LOXHD1: variants seen among roughly 807,000 people sequenced by gnomAD.
LOXHD1 encodes the protein lipoxygenase homology domain-containing protein 1.
LOXHD1 carries 205 observed loss-of-function variants against 248.2 expected under a neutral mutation model. The observed-to-expected ratio is 0.83, with a 90% CI of 0.74 to 0.93. LOXHD1 has a LOEUF of 0.93. Among genes scored for constraint, LOXHD1 ranks in the 40% least tolerant of loss-of-function variants. LOXHD1 has a pLI of 0.00. For synonymous variants in LOXHD1, 1,113 were observed against 1,162.8 expected (o/e 0.96, Z 0.87); for missense variants, 2,930 against 2,971.6 (o/e 0.99, Z 0.33).
intron 37 of LOXHD1, among the ~76,000 whole-genome samples, chr18:46,493,069 C>G (rs1007645058): frequency 6.6e-6 from 1 of 152,192 alleles, no homozygotes; most frequent in Non-Finnish European, 1.5e-5. Context: ...TGGTCCTTTT[C>G]CACTCCTCTG....
chr18:46,533,831 C>T (rs776475030), intron 27 of LOXHD1: 46 of 195,978 alleles, frequency 2.3e-4, no homozygotes, highest in Non-Finnish European at 3.2e-4. Context: ...GAGGCTGAGG[C>T]GGGAGAATTG....
chr18:46,580,035 G>A (rs1241402448), intron 12 of LOXHD1, among the ~76,000 whole-genome samples: 2 of 152,226 alleles, frequency 1.3e-5, no homozygotes, highest in East Asian at 1.9e-4. Context: ...GGGATCAAAT[G>A]AGACAGACCA....
intron 7 of LOXHD1, 29 bp from the exon 8 acceptor site, chr18:46,601,496 G>A (rs770735035): frequency 6.4e-7 from 1 of 1,551,694 alleles, no homozygotes; most frequent in South Asian, 1.2e-5. Context: ...GAAAGAGAGT[G>A]TTCAATGTGA....
chr18:46,633,370 A>G (rs912988617), intron 4 of LOXHD1, among the ~76,000 whole-genome samples: 9 of 152,232 alleles, frequency 5.9e-5, no homozygotes, highest in South Asian at 2.1e-4. Flanking sequence ...CTGTTCAATA[A>G]GGAAGGGACA....
In LOXHD1 at chr18:46,524,762, G is replaced by A. The variant is rs773312118; in HGVS notation, c.4686C>T (p.Arg1562=). The part of the protein sequence containing the change: ...NEDEFLFLCG[R]WLSLKKEDGR... ...CATCCTCCTTCTTCAGGGAGAGCCA[G>A]CGCCCGCATAGGAACAGGAACTCGT... Residue 1562 remains arginine (R), a synonymous_variant, in exon 30 of 41, where the codon CGC becomes CGT. Coordinates refer to ENST00000642948, the MANE Select transcript of LOXHD1 (RefSeq NM_001384474.1). The A allele has an allele frequency of 1.4e-5, 22 of 1,551,764 alleles. No individual in the cohort carries two copies. In the South Asian group the frequency reaches 2.3e-4, roughly 16 times the overall value.
In LOXHD1 at chr18:46,560,415, G is replaced by A. The variant is rs534815867; in HGVS notation, c.2729C>T (p.Pro910Leu). The A allele has an allele frequency of 1.2e-5, 18 of 1,548,366 alleles. 1 individual carries two copies. The Middle Eastern group carries it at 5.0e-4, about 43-fold the overall frequency. ...HLVVREVDLTPEEEARKKKEK... is the reference protein window; with the variant it reads ...HLVVREVDLTLEEEARKKKEK... Reference sequence around the variant, plus strand: ...CTTCTTCTTCCGGGCCTCCTCCTCCGGCGTGAGGTCCACCTCCCGCACCAC... The same window carrying A: ...CTTCTTCTTCCGGGCCTCCTCCTCCAGCGTGAGGTCCACCTCCCGCACCAC... The change falls in exon 19 of 41, where the codon CCG becomes CTG. Residue 910 changes from proline to leucine, a missense_variant. Coordinates refer to ENST00000642948, the MANE Select transcript of LOXHD1 (RefSeq NM_001384474.1).
chr18:46,623,703 G>C (rs367921645), intron 4 of LOXHD1, among the ~76,000 whole-genome samples: 2 of 152,246 alleles, frequency 1.3e-5, no homozygotes, highest in Non-Finnish European at 2.9e-5. Context: ...TTCCAGAAAA[G>C]GCAGACACTG....
intron 31 of LOXHD1, among the ~76,000 whole-genome samples, 155 bp downstream of exon 31, chr18:46,524,311 G>A (rs1373889770): frequency 2.6e-5 from 4 of 152,218 alleles, no homozygotes; most frequent in African/African-American, 2.4e-5. Context: ...TTGTTCTGGG[G>A]ATAAAACAGG....
intron 4 of LOXHD1, among the ~76,000 whole-genome samples, chr18:46,631,994 C>T (rs1198197078): frequency 1.1e-4 from 17 of 152,136 alleles, no homozygotes; most frequent in Admixed American, 1.1e-3. Flanking sequence ...GCACAGGAGC[C>T]AACACAATCT....
At chr18:46,604,887 T>C (rs895418062) in intron 6 of LOXHD1, among the ~76,000 whole-genome samples, 2 of 152,186 alleles carry the variant, frequency 1.3e-5, no homozygotes, top group African/African-American at 4.8e-5. Context: ...ATAAGTAGAA[T>C]TGTTAATAGC....
rs146200756 is a variant in LOXHD1, at chr18:46,485,102, G to A, written c.6099C>T (p.Asn2033=). Residue 2033 remains asparagine (N), a synonymous_variant, in exon 39 of 41, where the codon AAC becomes AAT. Transcript: ENST00000642948. ...TCCTGCCCTCCAGGATGAGCCAGAC[G>A]TTCTCCCTGGTTTCGCCTCCGTTGC... The part of the protein sequence containing the change: ...ETGNGGETRE[N]VWLILEGRKN... 1.9e-3 allele frequency: 2,923 copies of A among 1,549,766 alleles called. 32 individuals are homozygous for A. The highest frequency in any genetic ancestry group is 0.011 in the South Asian group (956 of 83,808).
At chr18:46,620,835 A>G (rs2038658665) in intron 4 of LOXHD1, among the ~76,000 whole-genome samples, 1 of 152,168 alleles carries the variant, frequency 6.6e-6, no homozygotes, top group Non-Finnish European at 1.5e-5. Context: ...TCTCAGAAGG[A>G]AGGGGAAGCA....
At chr18:46,605,304 A>C (rs1181858915) in intron 6 of LOXHD1, among the ~76,000 whole-genome samples, 1 of 152,148 alleles carries the variant, frequency 6.6e-6, no homozygotes, top group Admixed American at 6.5e-5. Flanking sequence ...AGGCGGGAGG[A>C]TCACGAGGTC....
chr18:46,570,670 C>T lies in LOXHD1; in HGVS notation c.2048-1032G>A, dbSNP rs202208538. ...CCAGGGGTGTTCAATCTTTTGGTTT[C>T]CCTGGGCCACACTGGAAGAAGAAGA... On this transcript the variant is annotated intron_variant, in intron 15 of 40. Transcript: ENST00000642948. Among the ~76,000 whole-genome samples the T allele has an allele frequency of 5.3e-5, 8 of 152,252 alleles. No homozygotes were observed. In the East Asian group the frequency reaches 9.7e-4, roughly 18 times the overall value.
chr18:46,593,174 A>G (rs2038203564), intron 10 of LOXHD1, among the ~76,000 whole-genome samples: 1 of 149,502 alleles, frequency 6.7e-6, no homozygotes, highest in Admixed American at 6.7e-5. Context: ...TTTATGCATA[A>G]TGGAAAGTTT....
Position 46,522,091 on chromosome 18 carries a change from A to G in LOXHD1, c.5085+10T>C. 7 of 1,544,288 alleles carry G rather than the reference A, an allele frequency of 4.5e-6. No homozygotes were observed. The highest frequency in any genetic ancestry group is 6.1e-6 in the Non-Finnish European group (7 of 1,143,460). ...GTGGTCACTATCATGGGGCCCCGAG[A>G]AGCCAGCACCTCTATTTTCTTGATG... On this transcript the variant is annotated intron_variant, in intron 32 of 40. Transcript: ENST00000642948.
intron 37 of LOXHD1, among the ~76,000 whole-genome samples, chr18:46,492,833 A>G (rs2033582742): frequency 6.6e-6 from 1 of 152,218 alleles, no homozygotes; most frequent in African/African-American, 2.4e-5. Context: ...GAATGCACGT[A>G]TCACCAAATT....
chr18:46,615,929 T>A (rs1328516951), intron 5 of LOXHD1, among the ~76,000 whole-genome samples: 2 of 152,226 alleles, frequency 1.3e-5, no homozygotes, highest in Non-Finnish European at 2.9e-5. Context: ...TTATTCCTTT[T>A]GTCATTGTCT....
At position 46,555,328 on chromosome 18, in the gene LOXHD1, T is replaced by C. The variant is rs939372509; in HGVS notation, c.3350+2028A>G. 16 of 385,516 alleles carry C rather than the reference T, an allele frequency of 4.2e-5. No individual in the cohort carries two copies. The East Asian group carries it at 1.1e-3, about 26-fold the overall frequency. 23.9% of individuals were successfully genotyped at this position (385,516 alleles called of 1,614,324 possible). ...GCATGACTTGTCCAGGGTGACCTGA[T>C]GAGTTTCTGGCAGAGGTCAGACTCC... On this transcript the variant is annotated intron_variant, in intron 21 of 40. Transcript: ENST00000642948.
Sources: allele counts gnomAD v4.1 joint callset (sites outside exome capture counted in the v4.1 genomes callset), GRCh38; gene constraint gnomAD v4.1.1; transcripts MANE v1.5; gene names NCBI Gene and HGNC (gene_info 2026-07-23, HGNC 2026-07-21).